MINDY4: variants seen among roughly 807,000 people sequenced by gnomAD.
MINDY4 encodes the protein probable ubiquitin carboxyl-terminal hydrolase MINDY-4.
A neutral mutation model predicts 87.0 loss-of-function variants in MINDY4; 68 were observed. The ratio of observed to expected loss-of-function variants is 0.78; its 90% CI spans 0.64 to 0.96. MINDY4 has a LOEUF of 0.96. Among genes scored for constraint, MINDY4 ranks in the 40% least tolerant of loss-of-function variants. The pLI, the probability that MINDY4 is intolerant of heterozygous loss-of-function variation, is 0.00. For missense variants in MINDY4, 919 were observed against 928.2 expected, an observed-to-expected ratio of 0.99 and a Z score of 0.13; for synonymous variants, 379 against 363.2, an observed-to-expected ratio of 1.04 and a Z score of -0.50.
At chr7:30,847,031 T>A (rs1789242391) in intron 9 of MINDY4, among the ~76,000 whole-genome samples, 1 of 152,062 alleles carries the variant, frequency 6.6e-6, no homozygotes, top group South Asian at 2.1e-4. Flanking sequence ...ACTCCTGGGT[T>A]AAAGACAGAA....
At chr7:30,826,694 G>A (rs1169922502) in intron 5 of MINDY4, among the ~76,000 whole-genome samples, 1 of 152,160 alleles carries the variant, frequency 6.6e-6, no homozygotes, top group Non-Finnish European at 1.5e-5. Context: ...TATCGCCTGG[G>A]TTTAAATTCC....
Position 30,884,729 on chromosome 7 carries a change from C to T in MINDY4, c.2225+1736C>T, listed in dbSNP as rs141553719. Among the ~76,000 whole-genome samples the T allele has an allele frequency of 3.3e-3, 504 of 152,328 alleles. 3 individuals are homozygous for T. The highest frequency in any genetic ancestry group is 0.012 in the African/African-American group (483 of 41,574). On this transcript the variant is annotated intron_variant, in intron 17 of 17. Transcript: ENST00000265299. ...ACTCCTTTTTCTCCAGAAATTATTC[C>T]ACTGCATGACTCACCAAGCACCTCC... is the stretch of plus-strand genomic sequence containing the variant.
chr7:30,879,133 A>G (rs1268574594), intron 15 of MINDY4, among the ~76,000 whole-genome samples: 3 of 152,204 alleles, frequency 2.0e-5, no homozygotes, highest in Non-Finnish European at 4.4e-5. Flanking sequence ...TCCTGTGTTG[A>G]AACGCTGACC....
Position 30,778,448 on chromosome 7 carries a change from G to T in MINDY4, c.80G>T (p.Cys27Phe), listed in dbSNP as rs149008261. 6.2e-7 allele frequency: 1 copy of T among 1,614,218 alleles called. No homozygotes were observed. Among genetic ancestry groups the T allele is most frequent in the South Asian group, 1.1e-5 (1 of 91,078 alleles). The change falls in exon 2 of 18, where the codon TGT becomes TTT. Residue 27 changes from cysteine to phenylalanine, a missense_variant. Coordinates refer to ENST00000265299, the MANE Select transcript of MINDY4 (RefSeq NM_032222.3). The part of the protein sequence containing the change: ...FLSRKGLKKT[C>F]VTMDQERPRS... ...TTCCCTCAGGGCTTAAAGAAGACATGTGTGACCATGGACCAGGAACGCCCA... is the reference window on the plus strand; with the variant it reads ...TTCCCTCAGGGCTTAAAGAAGACATTTGTGACCATGGACCAGGAACGCCCA...
At chr7:30,776,384 C>T (rs545975481) in intron 1 of MINDY4, among the ~76,000 whole-genome samples, 17 of 152,344 alleles carry the variant, frequency 1.1e-4, no homozygotes, top group Middle Eastern at 6.8e-3. Flanking sequence ...GTGGCCTGCT[C>T]TTTTGATTCC....
chr7:30,882,870 G>C, intron 16 of MINDY4, 51 bp from the exon 17 acceptor site: 1 of 1,573,594 alleles, frequency 6.4e-7, no homozygotes, highest in Non-Finnish European at 8.7e-7. Context: ...TGACCTCAGG[G>C]TGAGTGCAGG....
At chr7:30,776,041 A>AAGTGGT (rs1285875189) in intron 1 of MINDY4, among the ~76,000 whole-genome samples, 1 of 152,222 alleles carries the variant, frequency 6.6e-6, no homozygotes, top group Non-Finnish European at 1.5e-5. Context: ...CTTCTGTTGC[A>AAGTGGT]AACACCTTGC....
intron 5 of MINDY4, among the ~76,000 whole-genome samples, chr7:30,821,225 C>T (rs1788318439): frequency 6.6e-6 from 1 of 152,128 alleles, no homozygotes; most frequent in Non-Finnish European, 1.5e-5. Context: ...TGTCGGTTCT[C>T]ATTTAGGTTT....
intron 8 of MINDY4, 75 bp from the exon 9 acceptor site, chr7:30,840,685 G>A: frequency 7.5e-7 from 1 of 1,341,906 alleles, no homozygotes; most frequent in South Asian, 1.2e-5. Context: ...GTGGGTTCTG[G>A]GGTGGGTTTG....
chr7:30,843,044 A>G (rs1355253703), intron 9 of MINDY4, among the ~76,000 whole-genome samples: 1 of 152,026 alleles, frequency 6.6e-6, no homozygotes, highest in East Asian at 1.9e-4. Flanking sequence ...GCCGCCACCT[A>G]CTACTGCCCA....
chr7:30,795,669 G>T (rs1330300802), intron 5 of MINDY4, among the ~76,000 whole-genome samples: 1 of 152,188 alleles, frequency 6.6e-6, no homozygotes, highest in Non-Finnish European at 1.5e-5. Flanking sequence ...TGGTTCTGGA[G>T]GTCAGAGGTC....
At chr7:30,801,945 G>A (rs1234086402) in intron 5 of MINDY4, among the ~76,000 whole-genome samples, 4 of 152,210 alleles carry the variant, frequency 2.6e-5, no homozygotes, top group Non-Finnish European at 4.4e-5. Flanking sequence ...CCACACCTGG[G>A]CCCTTGCCAG....
intron 13 of MINDY4, among the ~76,000 whole-genome samples, chr7:30,866,214 C>T (rs1017163327): frequency 6.6e-6 from 1 of 152,242 alleles, no homozygotes; most frequent in Non-Finnish European, 1.5e-5. Flanking sequence ...GTCCTGTGTG[C>T]ATCTCCTGCC....
chr7:30,880,535 TGCAAAG>T (rs1790432068), intron 15 of MINDY4, among the ~76,000 whole-genome samples: 1 of 152,150 alleles, frequency 6.6e-6, no homozygotes, highest in Non-Finnish European at 1.5e-5. Flanking sequence ...TGGCTGATTA[TGCAAAG>T]GCCTGCTCCC....
intron 5 of MINDY4, among the ~76,000 whole-genome samples, chr7:30,823,800 C>T (rs983423719): frequency 6.6e-6 from 1 of 151,700 alleles, no homozygotes; most frequent in African/African-American, 2.4e-5. Context: ...TTGTTTTGAG[C>T]ATATTTTAGT....
intron 5 of MINDY4, among the ~76,000 whole-genome samples, chr7:30,827,574 G>T (rs1420802685): frequency 2.0e-5 from 3 of 152,174 alleles, no homozygotes; most frequent in Non-Finnish European, 4.4e-5. Context: ...GTGGTGTTGG[G>T]CAGAGGGGTT....
At position 30,816,892 on chromosome 7, in the gene MINDY4, T is replaced by C. The variant is rs563930637; in HGVS notation, c.1074-11787T>C. Among the ~76,000 whole-genome samples, 12 of 152,302 alleles carry C rather than the reference T, an allele frequency of 7.9e-5. No individual in the cohort carries two copies. In the East Asian group the frequency reaches 2.1e-3, roughly 27 times the overall value. ...AAGAAAAGACAGAGAGAAAAAAATATTCCTTTTATATGTTGTAGGTCAACC... is the reference window on the plus strand; with the variant it reads ...AAGAAAAGACAGAGAGAAAAAAATACTCCTTTTATATGTTGTAGGTCAACC... On this transcript the variant is annotated intron_variant, in intron 5 of 17. Transcript: ENST00000265299.
At chr7:30,834,630 A>G (rs1360175008) in intron 6 of MINDY4, among the ~76,000 whole-genome samples, 1 of 152,220 alleles carries the variant, frequency 6.6e-6, no homozygotes, top group Non-Finnish European at 1.5e-5. Context: ...TCTTCAGAAA[A>G]TGGGGTTTTC....
At chr7:30,878,662 G>A (rs1790364131) in intron 15 of MINDY4, among the ~76,000 whole-genome samples, 2 of 152,190 alleles carry the variant, frequency 1.3e-5, no homozygotes, top group South Asian at 4.1e-4. Flanking sequence ...GGGACAGGGA[G>A]TTTAGCCTCA....
Sources: allele counts gnomAD v4.1 joint callset (sites outside exome capture counted in the v4.1 genomes callset), GRCh38; gene constraint gnomAD v4.1.1; transcripts MANE v1.5; gene names NCBI Gene and HGNC (gene_info 2026-07-23, HGNC 2026-07-21).